ARHGAP35: variants seen among roughly 807,000 people sequenced by gnomAD.
ARHGAP35 encodes the protein rho GTPase-activating protein 35.
In ARHGAP35, 15 loss-of-function variants were observed where a neutral mutation model predicts 111.1. The observed-to-expected ratio is 0.13, with a 90% CI of 0.09 to 0.21. ARHGAP35 has a LOEUF of 0.21. Ranked by LOEUF, ARHGAP35 falls within the 10% of genes least tolerant of loss-of-function variation. The pLI is 1.00. For synonymous variants in ARHGAP35, 643 were observed against 710.3 expected (o/e 0.91, Z 1.51); for missense variants, 1,262 against 1,873.0 (o/e 0.67, Z 6.02).
At chr19:46,967,068 G>GAA (rs2056519861) in intron 3 of ARHGAP35, among the ~76,000 whole-genome samples, 1 of 152,114 alleles carries the variant, frequency 6.6e-6, no homozygotes, top group Non-Finnish European at 1.5e-5. Flanking sequence ...AAAATCCTTT[G>GAA]AACGTCAGCC....
rs1269224924 is a variant in ARHGAP35, at chr19:46,989,202, T to C, written c.3905-342T>C. The C allele has an allele frequency of 1.0e-5, 2 of 191,200 alleles. No homozygotes were observed. The highest frequency in any genetic ancestry group is 2.4e-4 in the East Asian group (2 of 8,338). The allele number at this position is 191,200 out of a possible 1,614,324, so 11.8% of individuals were successfully genotyped here. A position where few individuals can be genotyped will look rare whatever the true frequency, so the allele number is the denominator to read the frequency against. ...CCACCCTTTAGGAAAGCCGCCTCCTTCTTCTGTGATGGGAAGGGAGTAAGG... is the reference window on the plus strand; with the variant it reads ...CCACCCTTTAGGAAAGCCGCCTCCTCCTTCTGTGATGGGAAGGGAGTAAGG... On this transcript the variant is annotated intron_variant, in intron 4 of 6. Transcript: ENST00000672722. The surrounding 1 kb of genome is among the most constrained non-coding windows in gnomAD (Gnocchi z 5.3).
intron 2 of ARHGAP35, among the ~76,000 whole-genome samples, chr19:46,932,581 G>A (rs1464623892): frequency 6.6e-6 from 1 of 152,142 alleles, no homozygotes; most frequent in Admixed American, 6.5e-5. Context: ...TGCCTGAAGT[G>A]TTGTTTCTAT....
chr19:46,976,081 A>G (rs991339936), intron 3 of ARHGAP35, among the ~76,000 whole-genome samples: 1 of 152,106 alleles, frequency 6.6e-6, no homozygotes, highest in Non-Finnish European at 1.5e-5. Flanking sequence ...TATGAGGTAT[A>G]CTGTTTCATA....
rs1306889824 is a variant in ARHGAP35 at position 47,000,635 on chromosome 19, T to G, written c.4447T>G (p.Ser1483Ala). Residue 1483 changes from serine to alanine, a missense_variant, in exon 7 of 7, where the codon TCC (serine) becomes GCC (alanine). Physicochemically the swap from Ser to Ala is moderately conservative, Grantham distance 99. This residue lies in a region of ARHGAP35 where 75 missense variants were observed against 87.0 expected (regional missense o/e 0.86). Coordinates refer to ENST00000672722, the MANE Select transcript of ARHGAP35 (RefSeq NM_004491.5). This position sits in a 1 kb window ranked among gnomAD's most constrained non-coding sequence, Gnocchi z 6.9. ...ACAGTCGCCTCCACCCACCCCCCAGTCCCCAATGCAGCCACTGCTTCCCTC... is the reference window on the plus strand; with the variant it reads ...ACAGTCGCCTCCACCCACCCCCCAGGCCCCAATGCAGCCACTGCTTCCCTC... Reference protein sequence around the residue: ...PPQSPPPTPQSPMQPLLPSQL... With the variant: ...PPQSPPPTPQAPMQPLLPSQL... 4 of 1,600,170 alleles carry G rather than the reference T, an allele frequency of 2.5e-6. No homozygotes were observed. The highest frequency in any genetic ancestry group is 3.4e-6 in the Non-Finnish European group (4 of 1,173,996).
chr19:46,977,238 A>C (rs1022304659), intron 3 of ARHGAP35, among the ~76,000 whole-genome samples: 1 of 152,242 alleles, frequency 6.6e-6, no homozygotes, highest in Non-Finnish European at 1.5e-5. Context: ...ACCAGACTTA[A>C]CAGCAGCACA....
intron 1 of ARHGAP35, among the ~76,000 whole-genome samples, chr19:46,897,278 G>A (rs1189331553): frequency 2.0e-5 from 3 of 152,028 alleles, no homozygotes; most frequent in African/African-American, 7.2e-5. Flanking sequence ...AAATCAGCAA[G>A]AGTCAAGCTG....
At chr19:46,939,839 A>G (rs2056334535) in intron 3 of ARHGAP35, among the ~76,000 whole-genome samples, 1 of 152,174 alleles carries the variant, frequency 6.6e-6, no homozygotes, top group Admixed American at 6.5e-5. Flanking sequence ...AATCTAATCT[A>G]TAGACATTCT....
intron 3 of ARHGAP35, among the ~76,000 whole-genome samples, chr19:46,939,949 A>T (rs2056335561): frequency 6.6e-6 from 1 of 151,800 alleles, no homozygotes; most frequent in Middle Eastern, 3.2e-3. Context: ...TTTAGTGGTC[A>T]AATCTGGCCC....
At chr19:46,873,298 A>G (rs974779869) in intron 1 of ARHGAP35, among the ~76,000 whole-genome samples, 16 of 152,206 alleles carry the variant, frequency 1.1e-4, no homozygotes, top group African/African-American at 3.1e-4. Context: ...TTCTCTTTGA[A>G]CAAGGTTCCC....
In ARHGAP35 at chr19:46,922,651, G is replaced by A. The variant is rs1299654201; in HGVS notation, c.3681+295G>A. Among the ~76,000 whole-genome samples, 1 of 152,152 alleles carries A rather than the reference G, an allele frequency of 6.6e-6. No individual in the cohort carries two copies. The highest frequency in any genetic ancestry group is 1.5e-5 in the Non-Finnish European group (1 of 68,024). On this transcript the variant is annotated intron_variant, in intron 2 of 6. Transcript: ENST00000672722. This position sits in a 1 kb window ranked among gnomAD's most constrained non-coding sequence, Gnocchi z 4.0. Reference sequence around the variant, plus strand: ...TCAGTGTCTTGACAAGTGGCCAAGCGCAGTGACAATACACTTGCTCTCCCT... The same window carrying A: ...TCAGTGTCTTGACAAGTGGCCAAGCACAGTGACAATACACTTGCTCTCCCT...
chr19:46,999,458 C>A lies in ARHGAP35; in HGVS notation c.4142+49C>A. 2 of 1,229,396 alleles carry A rather than the reference C, an allele frequency of 1.6e-6. No homozygotes were observed. The highest frequency in any genetic ancestry group is 2.3e-6 in the Non-Finnish European group (2 of 855,542). The allele number at this position is 1,229,396 out of a possible 1,614,324, so 76.2% of individuals were successfully genotyped here. On this transcript the variant is annotated intron_variant, in intron 6 of 6. Transcript: ENST00000672722. This position sits in a 1 kb window ranked among gnomAD's most constrained non-coding sequence, Gnocchi z 5.4. ...GGTTTTTCCTCCTGAAAATTGACAG[C>A]CAGGGTCAGTGTGTCGCAGAACAAG...
intron 3 of ARHGAP35, among the ~76,000 whole-genome samples, chr19:46,985,753 T>C (rs935650306): frequency 4.6e-5 from 7 of 152,092 alleles, no homozygotes; most frequent in African/African-American, 1.7e-4. Flanking sequence ...TAACTAGGCG[T>C]TGCTTGGTAG....
chr19:46,938,578 C>T (rs903329028), intron 3 of ARHGAP35, among the ~76,000 whole-genome samples: 1 of 151,804 alleles, frequency 6.6e-6, no homozygotes, highest in Non-Finnish European at 1.5e-5. Flanking sequence ...TTCTTGAACT[C>T]CTGACCTCAG....
chr19:46,871,987 C>T (rs1235443517), intron 1 of ARHGAP35, among the ~76,000 whole-genome samples: 1 of 151,514 alleles, frequency 6.6e-6, no homozygotes, highest in African/African-American at 2.4e-5. Context: ...GTCTCACACA[C>T]ACAAAACAAA....
intron 1 of ARHGAP35, among the ~76,000 whole-genome samples, chr19:46,862,542 C>G (rs1229999726): frequency 6.6e-6 from 1 of 152,108 alleles, no homozygotes; most frequent in African/African-American, 2.4e-5. Flanking sequence ...CTGCATCTCA[C>G]AGACCTGCCC....
rs577431452 is a variant in ARHGAP35, at chr19:46,881,006, G to A, written c.-189+19797G>A. On this transcript the variant is annotated intron_variant, in intron 1 of 6. Transcript: ENST00000672722. ...GTCACTCAGGCTGGAGTGCAATGGCGCGATCTCAGCTCACCACAATCTCCG... is the reference window on the plus strand; with the variant it reads ...GTCACTCAGGCTGGAGTGCAATGGCACGATCTCAGCTCACCACAATCTCCG... 3.4e-5 allele frequency among the ~76,000 whole-genome samples: 5 copies of A among 147,960 alleles called. 1 individual carries two copies. The East Asian group carries it at 8.0e-4, about 24-fold the overall frequency.
At chr19:46,981,825 GTGTTT>G (rs55887324) in intron 3 of ARHGAP35, among the ~76,000 whole-genome samples, 47,515 of 147,078 alleles carry the variant, frequency 0.32, 7,880 homozygotes, top group East Asian at 0.51. Flanking sequence ...GTATTTTTTG[GTGTTT>G]TGTTTTGTTT....
At chr19:46,928,567 A>T (rs2056251912) in intron 2 of ARHGAP35, among the ~76,000 whole-genome samples, 1 of 151,164 alleles carries the variant, frequency 6.6e-6, no homozygotes, top group South Asian at 2.1e-4. Flanking sequence ...TCCAGATCAC[A>T]CTGGCCACGA....
At chr19:46,967,303 G>A (rs1455027375) in intron 3 of ARHGAP35, among the ~76,000 whole-genome samples, 1 of 152,154 alleles carries the variant, frequency 6.6e-6, no homozygotes, top group Non-Finnish European at 1.5e-5. Flanking sequence ...GGAAGGTAGG[G>A]TTTGAAGGTT....
Sources: allele counts gnomAD v4.1 joint callset (sites outside exome capture counted in the v4.1 genomes callset), GRCh38; gene constraint gnomAD v4.1.1; regional missense constraint gnomAD v4.1.1; non-coding constraint Gnocchi (gnomAD v3.1); transcripts MANE v1.5; gene names NCBI Gene and HGNC (gene_info 2026-07-23, HGNC 2026-07-21).